Variants in SPNS3 observed in about 807,000 individuals in gnomAD.
SPNS3 encodes the protein SPNS lysolipid transporter 3, sphingosine-1-phosphate (putative), also known as protein spinster homolog 3.
In SPNS3, 51 loss-of-function variants were observed where a neutral mutation model predicts 54.4. The ratio of observed to expected loss-of-function variants is 0.94; its 90% CI spans 0.75 to 1.18. The LOEUF (loss-of-function observed/expected upper bound fraction) is 1.18, where lower values mean the gene tolerates loss of function less well. Ranked by LOEUF, SPNS3 falls within the 50% of genes most tolerant of loss-of-function variation. The probability of loss-of-function intolerance (pLI) is 0.00; values close to 1 mark genes in which losing one functional copy is unlikely to be tolerated. For missense variants in SPNS3, 669 were observed against 677.4 expected (o/e 0.99, Z 0.14); for synonymous variants, 309 against 294.7 (o/e 1.05, Z -0.50).
At chr17:4,437,815 C>A (rs1024519325) in intron 1 of SPNS3, among the ~76,000 whole-genome samples, 1 of 147,480 alleles carries the variant, frequency 6.8e-6, no homozygotes, top group Non-Finnish European at 1.5e-5. Context: ...GAGACGGAGT[C>A]TCACTCTGTC....
chr17:4,480,155 A>G (rs1485835764), intron 9 of SPNS3, among the ~76,000 whole-genome samples: 1 of 152,066 alleles, frequency 6.6e-6, no homozygotes, highest in Non-Finnish European at 1.5e-5. Context: ...GCGAGTGTGG[A>G]GAGGCCTGCC....
In SPNS3 at chr17:4,486,409, C is replaced by G; in HGVS notation, c.1279-3C>G. 3 of 1,602,034 alleles carry G rather than the reference C, an allele frequency of 1.9e-6. No individual in the cohort carries two copies. Among genetic ancestry groups the G allele is most frequent in the Non-Finnish European group, 2.6e-6 (3 of 1,172,852 alleles). On this transcript the variant is annotated splice_region_variant and splice_polypyrimidine_tract_variant and intron_variant, in intron 10 of 11. Coordinates refer to ENST00000355530, the MANE Select transcript of SPNS3 (RefSeq NM_182538.5). This position sits in a 1 kb window ranked among gnomAD's most constrained non-coding sequence, Gnocchi z 5.5. ...TGGCAGACTCATCCCTTCTCCTCCG[C>G]AGATCTCTAGTGTCCTGCGGGCCAG...
intron 8 of SPNS3, among the ~76,000 whole-genome samples, chr17:4,476,769 G>T (rs1217328391): frequency 2.0e-5 from 3 of 152,184 alleles, no homozygotes; most frequent in African/African-American, 7.2e-5. Context: ...CTCTCAGTTT[G>T]GGTGCCAGGG....
chr17:4,435,799 GCT>G (rs34137477), intron 1 of SPNS3, among the ~76,000 whole-genome samples: 1 of 152,154 alleles, frequency 6.6e-6, no homozygotes, highest in South Asian at 2.1e-4. Context: ...AGGCGTGGTG[GCT>G]CACGCCTGTA....
At chr17:4,477,125 G>A (rs768528493) in intron 8 of SPNS3, among the ~76,000 whole-genome samples, 2 of 152,212 alleles carry the variant, frequency 1.3e-5, no homozygotes, top group South Asian at 2.1e-4. Context: ...TCTTCCCCCC[G>A]TGGCCTCTTC....
chr17:4,476,498 G>A (rs1048367279), intron 8 of SPNS3, among the ~76,000 whole-genome samples: 3 of 152,200 alleles, frequency 2.0e-5, no homozygotes, highest in Non-Finnish European at 4.4e-5. Flanking sequence ...AGAGGCAGAC[G>A]CTGGCAATGT....
intron 9 of SPNS3, among the ~76,000 whole-genome samples, chr17:4,480,213 C>A (rs1473911582): frequency 6.6e-6 from 1 of 152,202 alleles, no homozygotes; most frequent in Non-Finnish European, 1.5e-5. Context: ...ACTGGCAGGT[C>A]TTCCCTGCCC....
chr17:4,481,147 A>G (rs1972139322), intron 9 of SPNS3, among the ~76,000 whole-genome samples: 2 of 151,892 alleles, frequency 1.3e-5, no homozygotes, highest in Non-Finnish European at 2.9e-5. Context: ...TTGGCAGAAG[A>G]TCCCAGGAAG....
chr17:4,445,628 C>T (rs1056115756), intron 3 of SPNS3, among the ~76,000 whole-genome samples: 12 of 152,104 alleles, frequency 7.9e-5, no homozygotes, highest in Non-Finnish European at 1.6e-4. Flanking sequence ...CCACCCACCT[C>T]GGCCTCCTAA....
intron 1 of SPNS3, among the ~76,000 whole-genome samples, chr17:4,435,235 C>T (rs944402550): frequency 2.6e-5 from 4 of 151,876 alleles, no homozygotes; most frequent in East Asian, 3.9e-4. Context: ...CCAGCCTGGG[C>T]AACATGGTGA....
chr17:4,463,399 A>AC (rs1227758970), intron 8 of SPNS3, among the ~76,000 whole-genome samples: 4 of 127,792 alleles, frequency 3.1e-5, no homozygotes, highest in African/African-American at 9.4e-5. Context: ...TCTGTCTCAA[A>AC]AAAAAAAAAA....
At chr17:4,470,647 A>C (rs891675828) in intron 8 of SPNS3, among the ~76,000 whole-genome samples, 1 of 152,144 alleles carries the variant, frequency 6.6e-6, no homozygotes, top group African/African-American at 2.4e-5. Context: ...GCAGCTGCTA[A>C]ATCTACTTTC....
Position 4,448,242 on chromosome 17 carries a change from G to A in SPNS3, c.709G>A (p.Glu237Lys), listed in dbSNP as rs139104578. 2.5e-4 allele frequency: 393 copies of A among 1,600,862 alleles called. 1 individual carries two copies. The African/African-American group carries it at 3.9e-3, about 16-fold the overall frequency. Residue 237 changes from glutamate to lysine, a missense_variant, in exon 6 of 12, where the codon GAG (glutamate) becomes AAG (lysine). Physicochemically the swap from Glu to Lys is moderately conservative, Grantham distance 56. Coordinates refer to ENST00000355530, the MANE Select transcript of SPNS3 (RefSeq NM_182538.5). ...PPRGAAETQG[E>K]GAVGGFRSSW... is the part of the protein sequence containing the mutation. ...CCGGGGAGCTGCCGAGACACAGGGG[G>A]AGGGGGCCGTGGGAGGCTTCAGGAG...
chr17:4,435,919 G>C (rs902842525), intron 1 of SPNS3, among the ~76,000 whole-genome samples: 1 of 152,184 alleles, frequency 6.6e-6, no homozygotes, highest in Non-Finnish European at 1.5e-5. Flanking sequence ...GCGACAGAGC[G>C]AGACTCCGTC....
chr17:4,434,279 T>A, intron 1 of SPNS3, 113 bp downstream of exon 1: 1 of 981,202 alleles, frequency 1.0e-6, no homozygotes, highest in Non-Finnish European at 1.5e-6. Flanking sequence ...CCTGGGCCCA[T>A]CTCTGGTGTT....
At chr17:4,468,759 T>TTCTTTCTTTCTTTCTTTCTTTCTTTCTC (rs1971763254) in intron 8 of SPNS3, among the ~76,000 whole-genome samples, 1 of 143,684 alleles carries the variant, frequency 7.0e-6, no homozygotes, top group African/African-American at 2.8e-5. Flanking sequence ...CTTTCTTTCT[T>TTCTTTCTTTCTTTCTTTCTTTCTTTCTC]TCTCTCTTTC....
chr17:4,483,992 G>T lies in SPNS3; in HGVS notation c.1180-2236G>T, dbSNP rs1322736137. 6.6e-6 allele frequency among the ~76,000 whole-genome samples: 1 copy of T among 152,214 alleles called. No individual in the cohort carries two copies. Among genetic ancestry groups the T allele is most frequent in the African/African-American group, 2.4e-5 (1 of 41,442 alleles). ...CCAGTTACTCTGCCATCCGTTTACA[G>T]GGCTAGTGATGAACTTGTCCTCCTC... On this transcript the variant is annotated intron_variant, in intron 9 of 11. Transcript: ENST00000355530. This position sits in a 1 kb window ranked among gnomAD's most constrained non-coding sequence, Gnocchi z 4.2.
chr17:4,438,656 C>T (rs1182300384), intron 1 of SPNS3, among the ~76,000 whole-genome samples: 1 of 152,208 alleles, frequency 6.6e-6, no homozygotes, highest in Non-Finnish European at 1.5e-5. Context: ...AGGACACGTT[C>T]GTCTTTTTAT....
intron 8 of SPNS3, among the ~76,000 whole-genome samples, chr17:4,476,140 C>T (rs900070932): frequency 1.3e-5 from 2 of 152,190 alleles, no homozygotes; most frequent in Non-Finnish European, 2.9e-5. Context: ...CCCTGGTGGC[C>T]GCTGCCCCGG....
Sources: allele counts gnomAD v4.1 joint callset (sites outside exome capture counted in the v4.1 genomes callset), GRCh38; gene constraint gnomAD v4.1.1; non-coding constraint Gnocchi (gnomAD v3.1); transcripts MANE v1.5; gene names NCBI Gene and HGNC (gene_info 2026-07-23, HGNC 2026-07-21).